The following ATP2B2 variants were observed in gnomAD, a reference collection of about 807,000 sequenced individuals.
The protein encoded by ATP2B2 is ATPase plasma membrane Ca2+ transporting 2, also known as plasma membrane calcium-transporting ATPase 2.
In ATP2B2, 15 loss-of-function variants were observed where a neutral mutation model predicts 120.0. That is an observed-to-expected ratio of 0.12 (90% CI 0.08 to 0.19). ATP2B2 has a LOEUF of 0.19. Ranked by LOEUF, ATP2B2 falls within the 10% of genes least tolerant of loss-of-function variation. ATP2B2 has a pLI of 1.00. For missense variants in ATP2B2, 1,045 were observed against 1,719.8 expected (o/e 0.61, Z 6.94); for synonymous variants, 694 against 700.3 (o/e 0.99, Z 0.14).
chr3:10,664,356 C>T (rs1363984426), intron 1 of ATP2B2, among the ~76,000 whole-genome samples: 2 of 152,128 alleles, frequency 1.3e-5, no homozygotes. Flanking sequence ...TCTGGGGTCC[C>T]CAAGGAGACC....
chr3:10,695,251 GGAGAGA>G lies in ATP2B2; in HGVS notation c.-460+12658_-460+12663del, dbSNP rs140200422. 1.6e-3 allele frequency among the ~76,000 whole-genome samples: 209 copies of G among 126,958 alleles called. 2 individuals carry two copies. Among genetic ancestry groups the G allele is most frequent in the African/African-American group, 4.9e-3 (143 of 29,454 alleles). 83.3% of individuals were successfully genotyped at this position (126,958 alleles called of 152,430 possible). The stretch of plus-strand genomic sequence containing the variant: ...GGTAGCAGGCAAAGGAGGGAGGGAG[GGAGAGA>G]GAGAGAGAGAGAGAGAGAGAGAGAG... On this transcript the variant is annotated intron_variant, in intron 1 of 21. Coordinates refer to the ATP2B2 transcript ENST00000646379.
chr3:10,338,333 C>T lies in ATP2B2; in HGVS notation c.3263G>A (p.Arg1088Lys). 1.2e-6 allele frequency: 2 copies of T among 1,614,168 alleles called. No homozygotes were observed. The highest frequency in any genetic ancestry group is 1.7e-6 in the Non-Finnish European group (2 of 1,180,042). The change falls in exon 22 of 23, where the codon AGA becomes AAA. Residue 1088 changes from arginine (R) to lysine (K), a missense_variant. Around this residue, in one of 11 missense-constraint regions of ATP2B2, gnomAD observed 211 missense variants for 385.1 expected, o/e 0.55. Coordinates refer to ENST00000360273, the MANE Select transcript of ATP2B2 (RefSeq NM_001001331.4). The stretch of plus-strand genomic sequence containing the variant: ...GCCTGCCTCCTTGAGGAACTTGAGT[C>T]TGCTGGTCGGGATGGTGGCGATGAC... ...GQVIATIPTS[R>K]LKFLKEAGRL... is the part of the protein sequence containing the mutation.
At chr3:10,695,045 AC>A (rs983743842) in intron 1 of ATP2B2, among the ~76,000 whole-genome samples, 3 of 152,002 alleles carry the variant, frequency 2.0e-5, no homozygotes, top group Non-Finnish European at 4.4e-5. Context: ...GCTTTGGCCA[AC>A]AGTGTCACTA....
intron 2 of ATP2B2, among the ~76,000 whole-genome samples, chr3:10,418,863 T>G (rs1460790072): frequency 1.3e-5 from 2 of 151,984 alleles, no homozygotes; most frequent in African/African-American, 4.8e-5. Flanking sequence ...GGGGTAGCAG[T>G]GAGGGGGTGG....
upstream of ATP2B2, among the ~76,000 whole-genome samples, chr3:10,509,898 T>C (rs1426453220): frequency 1.3e-5 from 2 of 152,204 alleles, no homozygotes; most frequent in Non-Finnish European, 1.5e-5. Context: ...TCGACCTCCC[T>C]GAGTCCCAGG....
At chr3:10,593,867 A>T (rs1272289811) in intron 2 of ATP2B2, among the ~76,000 whole-genome samples, 1 of 148,118 alleles carries the variant, frequency 6.8e-6, no homozygotes. Context: ...CAAATTTACA[A>T]GAAAAAAAAC....
intron 12 of ATP2B2, among the ~76,000 whole-genome samples, chr3:10,360,742 G>A (rs1046536071): frequency 2.0e-5 from 3 of 152,192 alleles, no homozygotes; most frequent in Non-Finnish European, 4.4e-5. Context: ...CAAGGAAGCC[G>A]AACTTGTGGA....
At chr3:10,498,787 C>T (rs79702328) in intron 1 of ATP2B2, among the ~76,000 whole-genome samples, 1 of 152,304 alleles carries the variant, frequency 6.6e-6, no homozygotes, top group African/African-American at 2.4e-5. Flanking sequence ...CTCCCATAGG[C>T]TCCACCAATC....
intron 2 of ATP2B2, among the ~76,000 whole-genome samples, chr3:10,558,435 T>C (rs1196406998): frequency 6.6e-6 from 1 of 152,118 alleles, no homozygotes; most frequent in Non-Finnish European, 1.5e-5. Flanking sequence ...GGAAGTCACC[T>C]AAAGCTTCTG....
At position 10,342,861 on chromosome 3, in the gene ATP2B2, C is replaced by T. The variant is rs144283368; in HGVS notation, c.2808G>A (p.Leu936=). The T allele has an allele frequency of 1.2e-6, 2 of 1,614,096 alleles. No individual in the cohort carries two copies. Among genetic ancestry groups the T allele is most frequent in the Non-Finnish European group, 1.7e-6 (2 of 1,179,986 alleles). Residue 936 remains leucine (L), a synonymous_variant, in exon 19 of 23, where the codon CTG becomes CTA. Transcript: ENST00000360273. This position sits in a 1 kb window ranked among gnomAD's most constrained non-coding sequence, Gnocchi z 4.4. ...GCTTGTTGCGGCCGTACGGCTTCCT[C>T]AGCAGCAGGGTCTCCGTGGGCGGCT... is the stretch of plus-strand genomic sequence containing the variant. The part of the protein sequence containing the change: ...ATEPPTETLL[L]RKPYGRNKPL...
At position 10,496,767 on chromosome 3, in the gene ATP2B2, C is replaced by T. The variant is rs114506810; in HGVS notation, c.-320+8698G>A. ...TTAAAGTCTCAGGGGGCCCATCTGG[C>T]TCCAAAAGGCTTGTTTCAAAGATGG... On this transcript the variant is annotated intron_variant, in intron 1 of 22. Transcript: ENST00000360273. 9.2e-3 allele frequency among the ~76,000 whole-genome samples: 1,404 copies of T among 152,306 alleles called. 7 individuals are homozygous for T. The highest frequency in any genetic ancestry group is 0.024 in the Middle Eastern group (7 of 294).
intron 2 of ATP2B2, among the ~76,000 whole-genome samples, chr3:10,413,994 C>T (rs569097245): frequency 4.6e-4 from 70 of 152,282 alleles, no homozygotes; most frequent in Non-Finnish European, 8.5e-4. Context: ...CTCTGAGCTA[C>T]AGTTTCCCCA....
At chr3:10,553,298 G>A (rs569247944) in intron 2 of ATP2B2, among the ~76,000 whole-genome samples, 145 of 152,324 alleles carry the variant, frequency 9.5e-4, no homozygotes, top group African/African-American at 2.9e-3. Context: ...CAGGGACCAC[G>A]TCTGGTTTGC....
chr3:10,582,053 C>T (rs1337793772), intron 2 of ATP2B2, among the ~76,000 whole-genome samples: 1 of 152,210 alleles, frequency 6.6e-6, no homozygotes, highest in East Asian at 1.9e-4. Flanking sequence ...GAGCCTGAAC[C>T]GCATTTCAAT....
chr3:10,398,986 C>T (rs909884661), intron 5 of ATP2B2, among the ~76,000 whole-genome samples: 3 of 152,192 alleles, frequency 2.0e-5, no homozygotes, highest in Non-Finnish European at 4.4e-5. Context: ...TTTCCAGGGT[C>T]TCTCTGCACC....
chr3:10,493,170 CAA>C (rs2066000638), intron 1 of ATP2B2, among the ~76,000 whole-genome samples: 1 of 151,948 alleles, frequency 6.6e-6, no homozygotes, highest in African/African-American at 2.4e-5. Flanking sequence ...AGACAACAAA[CAA>C]GGGAATAAAT....
chr3:10,397,628 G>A (rs891042529), intron 5 of ATP2B2, among the ~76,000 whole-genome samples: 3 of 152,172 alleles, frequency 2.0e-5, no homozygotes, highest in African/African-American at 7.2e-5. Context: ...AGACTGGGAA[G>A]AGAGGACAGC....
intron 1 of ATP2B2, among the ~76,000 whole-genome samples, chr3:10,479,644 T>C (rs988149505): frequency 2.0e-5 from 3 of 152,206 alleles, no homozygotes; most frequent in Non-Finnish European, 4.4e-5. Flanking sequence ...TATATATACT[T>C]ACTGTCTGTC....
chr3:10,382,601 C>G (rs1281993258), intron 8 of ATP2B2, among the ~76,000 whole-genome samples: 6 of 149,752 alleles, frequency 4.0e-5, no homozygotes, highest in Admixed American at 3.3e-4. Context: ...AAGCAATCCA[C>G]CTGCCTTGGC....
Sources: gnomAD v4.1 joint callset for allele counts (sites outside exome capture counted in the v4.1 genomes callset) on GRCh38, gnomAD v4.1.1 for gene constraint, gnomAD v4.1.1 regional missense constraint, Gnocchi (gnomAD v3.1) non-coding constraint, MANE v1.5 for transcripts, NCBI Gene and HGNC (gene_info 2026-07-23, HGNC 2026-07-21) for gene names.